Variants in CUL4B observed in about 807,000 individuals in gnomAD.
CUL4B encodes cullin 4B.
In CUL4B, 1 loss-of-function variant was observed where a neutral mutation model predicts 69.2. The ratio of observed to expected loss-of-function variants is 0.01; its 90% CI spans 0.01 to 0.07. The LOEUF is 0.07. Among genes scored for constraint, CUL4B ranks in the 10% least tolerant of loss-of-function variants. CUL4B has a pLI of 1.00. For synonymous variants in CUL4B, 237 were observed against 223.2 expected (o/e 1.06, Z -0.55); for missense variants, 328 against 638.8 (o/e 0.51, Z 5.24).
intron 2 of CUL4B, among the ~76,000 whole-genome samples, chrX:120,573,449 A>T (rs997136799): frequency 5.4e-5 from 6 of 112,058 alleles, no homozygotes; most frequent in African/African-American, 1.9e-4. Context: ...TGCATGTATA[A>T]AAGTATTTCT....
intron 9 of CUL4B, among the ~76,000 whole-genome samples, chrX:120,542,393 T>C (rs1924046677): frequency 9.0e-6 from 1 of 111,571 alleles, no homozygotes; most frequent in African/African-American, 3.3e-5. Flanking sequence ...TAAATTTTTA[T>C]ACAAAAGAAA....
At chrX:120,557,837 T>C in intron 2 of CUL4B, 87 bp downstream of exon 2, 1 of 564,164 alleles carries the variant, frequency 1.8e-6, no homozygotes, top group South Asian at 2.8e-5. Flanking sequence ...AAAAGTCTAC[T>C]TAAGAACCTA....
At chrX:120,527,131 C>G (rs1437690529) in intron 19 of CUL4B, among the ~76,000 whole-genome samples, 3 of 108,440 alleles carry the variant, frequency 2.8e-5, no homozygotes, top group Non-Finnish European at 5.7e-5. Context: ...ACCACTTTGG[C>G]TCACTGCAAC....
chrX:120,561,505 C>A (rs1925318661), upstream of CUL4B: 5 of 359,887 alleles, frequency 1.4e-5, no homozygotes, highest in South Asian at 3.8e-5. Context: ...AGGGGGCGGG[C>A]CTTCGAGACA....
intron 2 of CUL4B, among the ~76,000 whole-genome samples, chrX:120,554,037 C>T (rs896463223): frequency 9.0e-6 from 1 of 111,652 alleles, no homozygotes; most frequent in East Asian, 2.8e-4. Flanking sequence ...TATCAGACAG[C>T]TGCTCTGGCC....
chrX:120,538,283 G>A (rs1923786627), intron 13 of CUL4B, 74 bp from the exon 14 acceptor site: 7 of 668,579 alleles, frequency 1.0e-5, no homozygotes, highest in East Asian at 3.3e-5. Flanking sequence ...TGGGAAACAC[G>A]AAATACAAAA....
chrX:120,566,349 A>ATATATATATATATATG (rs1925522311), upstream of CUL4B, among the ~76,000 whole-genome samples: 2 of 20,579 alleles, frequency 9.7e-5, no homozygotes, highest in African/African-American at 1.5e-4. Context: ...GTATAGGTAT[A>ATATATATATATATATG]TATATATATA....
At chrX:120,547,474 A>C (rs921635469) in intron 2 of CUL4B, among the ~76,000 whole-genome samples, 2 of 112,258 alleles carry the variant, frequency 1.8e-5, no homozygotes, top group African/African-American at 6.5e-5. Flanking sequence ...TAATCTAAAA[A>C]TCTGAAATCC....
At chrX:120,572,156 G>A (rs1430287391) in intron 2 of CUL4B, among the ~76,000 whole-genome samples, 3 of 109,362 alleles carry the variant, frequency 2.7e-5, no homozygotes, top group Non-Finnish European at 3.8e-5. Flanking sequence ...TATAACCAGA[G>A]GTACAGTTAG....
intron 4 of CUL4B, 70 bp from the exon 5 acceptor site, chrX:120,545,587 A>T: frequency 2.8e-6 from 2 of 721,286 alleles, no homozygotes; most frequent in Non-Finnish European, 4.3e-6. Context: ...GCTTTCAATA[A>T]GAATAAAACT....
rs776364726 is a variant in CUL4B at position 120,558,023 on chromosome X, T to C, written c.573A>G (p.Pro191=). The change falls in exon 2 of 20, where the codon CCA becomes CCG. Residue 191 remains proline, a synonymous_variant. Transcript: ENST00000371322. ...IKNFKDKPKL[P]ENYTDETWQK... is the part of the protein sequence containing the mutation. The stretch of plus-strand genomic sequence containing the variant: ...GCCAGGTTTCATCTGTGTAGTTTTC[T>C]GGTAATTTAGGCTTATCTAGATGAT... 46 of 1,195,646 alleles carry C rather than the reference T, an allele frequency of 3.8e-5. No homozygotes were observed. The highest frequency in any genetic ancestry group is 4.9e-5 in the Non-Finnish European group (43 of 883,091).
chrX:120,544,676 T>C (rs1212000972), intron 5 of CUL4B, 33 bp from the exon 6 acceptor site: 2 of 1,127,347 alleles, frequency 1.8e-6, no homozygotes, highest in Non-Finnish European at 2.4e-6. Context: ...CCTAAATTAA[T>C]TGACAATACC....
At chrX:120,530,713 A>G (rs752972512) in intron 18 of CUL4B, among the ~76,000 whole-genome samples, 1 of 112,025 alleles carries the variant, frequency 8.9e-6, no homozygotes, top group East Asian at 2.8e-4. Context: ...TTAAGAGTCA[A>G]CCTCTTTGAA....
At chrX:120,551,146 T>C (rs1924661194) in intron 2 of CUL4B, among the ~76,000 whole-genome samples, 1 of 111,702 alleles carries the variant, frequency 9.0e-6, no homozygotes, top group African/African-American at 3.3e-5. Context: ...ACCACCATAC[T>C]TTTTAGCATG....
At chrX:120,539,926 T>C (rs980029566) in intron 11 of CUL4B, among the ~76,000 whole-genome samples, 10 of 111,825 alleles carry the variant, frequency 8.9e-5, no homozygotes, top group African/African-American at 2.9e-4. Flanking sequence ...CTAAGGGTAC[T>C]TGGGTGGAAA....
Position 120,538,591 on chromosome X carries a change from G to A in CUL4B, c.1852+69C>T, listed in dbSNP as rs190309436. 9.9e-4 allele frequency: 718 copies of A among 726,284 alleles called. 6 individuals carry two copies. In the African/African-American group the frequency reaches 0.013, roughly 13 times the overall value. 59.9% of individuals were successfully genotyped at this position (726,284 alleles called of 1,213,427 possible). ...TGAGTGACAAAAGAGGAAATCGATTGAAAGGGTAAAAAGCTAACATTCTCC... is the reference window on the plus strand; with the variant it reads ...TGAGTGACAAAAGAGGAAATCGATTAAAAGGGTAAAAAGCTAACATTCTCC... On this transcript the variant is annotated intron_variant, in intron 13 of 19. Transcript: ENST00000371322.
At chrX:120,529,621 T>C (rs750954285) in intron 19 of CUL4B, among the ~76,000 whole-genome samples, 1 of 111,830 alleles carries the variant, frequency 8.9e-6, no homozygotes, top group Admixed American at 9.5e-5. Context: ...TTACCAGAAC[T>C]ATCACTACAC....
chrX:120,529,684 T>C (rs1427195735), intron 19 of CUL4B, among the ~76,000 whole-genome samples: 1 of 111,815 alleles, frequency 8.9e-6, no homozygotes, highest in Non-Finnish European at 1.9e-5. Context: ...TTTTAACAGA[T>C]GATCTCTTAT....
chrX:120,544,233 T>C (rs768169531), intron 6 of CUL4B, 30 bp from the exon 7 acceptor site: 3 of 1,029,157 alleles, frequency 2.9e-6, no homozygotes. Context: ...AAGGAGATCA[T>C]TTATTTAGCA....
Sources: allele counts gnomAD v4.1 joint callset (sites outside exome capture counted in the v4.1 genomes callset), GRCh38; gene constraint gnomAD v4.1.1; transcripts MANE v1.5; gene names NCBI Gene and HGNC (gene_info 2026-07-23, HGNC 2026-07-21).